Variants in CCL17 observed in about 807,000 individuals in gnomAD.
CCL17 encodes the protein C-C motif chemokine 17.
Under a neutral mutation model 7.4 loss-of-function variants are expected in CCL17, and 8 were observed. The ratio of observed to expected loss-of-function variants is 1.09; its 90% CI spans 0.64 to 1.96. The LOEUF is 1.96. Ranked by LOEUF, CCL17 falls within the 30% of genes most tolerant of loss-of-function variation. CCL17 has a pLI of 0.00. For missense variants in CCL17, 102 were observed against 113.0 expected, an observed-to-expected ratio of 0.90 and a Z score of 0.44; for synonymous variants, 40 against 46.1, an observed-to-expected ratio of 0.87 and a Z score of 0.54.
chr16:57,415,687 G>T lies in CCL17; in HGVS notation c.189-78G>T. On this transcript the variant is annotated intron_variant, in intron 3 of 3. Transcript: ENST00000219244. The surrounding 1 kb of genome is among the most constrained non-coding windows in gnomAD (Gnocchi z 4.5). ...TCTTGGAGCCTTGGAATCCTGGTCA[G>T]CACAGGGCGGGCCGTCCCAGGGACT... 1.1e-6 allele frequency: 1 copy of T among 899,674 alleles called. No individual in the cohort carries two copies. Among genetic ancestry groups the T allele is most frequent in the Non-Finnish European group, 1.9e-6 (1 of 536,710 alleles). 55.7% of individuals were successfully genotyped at this position (899,674 alleles called of 1,614,324 possible). A position where few individuals can be genotyped will look rare whatever the true frequency, so the allele number is the denominator to read the frequency against.
At chr16:57,414,799 T>C (rs1412962137) in intron 2 of CCL17, among the ~76,000 whole-genome samples, 1 of 151,662 alleles carries the variant, frequency 6.6e-6, no homozygotes, top group Non-Finnish European at 1.5e-5. Flanking sequence ...GACACACACG[T>C]AGGCACTCAC....
intron 1 of CCL17, among the ~76,000 whole-genome samples, chr16:57,405,136 G>A (rs1902675669): frequency 6.6e-6 from 1 of 152,172 alleles, no homozygotes; most frequent in Non-Finnish European, 1.5e-5. Flanking sequence ...GGATGGGGAA[G>A]GAAGCAGGGA....
chr16:57,413,520 G>A (rs567557898), intron 1 of CCL17, among the ~76,000 whole-genome samples: 6 of 152,256 alleles, frequency 3.9e-5, no homozygotes, highest in South Asian at 2.1e-4. Context: ...CGACACTTCC[G>A]TCTGCCCCCT....
chr16:57,415,933 C>T lies in CCL17; in HGVS notation c.*72C>T, dbSNP rs1164997873. ...ACCTCCACCGTTGGTGTTCACCGCC[C>T]CCACCCTGAGCGCCTGGGTCCAGGG... On this transcript the variant is annotated 3_prime_UTR_variant, in exon 4 of 4. Transcript: ENST00000219244. The surrounding 1 kb of genome is among the most constrained non-coding windows in gnomAD (Gnocchi z 4.5). 4.7e-5 allele frequency: 49 copies of T among 1,031,988 alleles called. No individual in the cohort carries two copies. Among genetic ancestry groups the T allele is most frequent in the Non-Finnish European group, 1.4e-5 (9 of 658,730 alleles). The allele number at this position is 1,031,988 out of a possible 1,614,324, so 63.9% of individuals were successfully genotyped here.
upstream of CCL17, among the ~76,000 whole-genome samples, chr16:57,403,413 ATAT>A (rs1401665916): frequency 4.6e-5 from 1 of 21,610 alleles, no homozygotes; most frequent in Non-Finnish European, 6.6e-5. Flanking sequence ...TATAATATAT[ATAT>A]TATATTATAA....
chr16:57,397,458 C>T, the CCL17 span, among the ~76,000 whole-genome samples: 7 of 152,234 alleles, frequency 4.6e-5, no homozygotes, highest in African/African-American at 1.7e-4. Context: ...GAGGGTTGTT[C>T]CATACCAAGG....
the CCL17 span, among the ~76,000 whole-genome samples, chr16:57,397,030 T>A: frequency 3.3e-5 from 5 of 152,322 alleles, no homozygotes; most frequent in South Asian, 8.3e-4. Flanking sequence ...CTTCTCTGTC[T>A]TGCAAGGGAA....
chr16:57,405,729 A>G (rs115134208), intron 1 of CCL17, among the ~76,000 whole-genome samples: 2,661 of 152,192 alleles, frequency 0.017, 90 homozygotes, highest in African/African-American at 0.061. Flanking sequence ...GGCTGGAGAC[A>G]GAGATTTAAG....
chr16:57,402,138 T>C (rs1465876899), upstream of CCL17, among the ~76,000 whole-genome samples: 1 of 152,230 alleles, frequency 6.6e-6, no homozygotes, highest in Admixed American at 6.5e-5. Context: ...CAAAGGGCTC[T>C]CTAGGGACTC....
At chr16:57,413,349 T>A (rs1357862190) in intron 1 of CCL17, among the ~76,000 whole-genome samples, 1 of 151,846 alleles carries the variant, frequency 6.6e-6, no homozygotes, top group African/African-American at 2.4e-5. Context: ...CATGTGCCCA[T>A]GCCCGGCAGC....
chr16:57,396,458 C>T, the CCL17 span, among the ~76,000 whole-genome samples: 1 of 152,094 alleles, frequency 6.6e-6, no homozygotes, highest in African/African-American at 2.4e-5. Context: ...GTGTTGGGAG[C>T]AAACTGAGTG....
chr16:57,413,978 G>A lies in CCL17; in HGVS notation c.46G>A (p.Ala16Thr), dbSNP rs532909387. 4.3e-5 allele frequency: 69 copies of A among 1,611,572 alleles called. 1 individual carries two copies. In the East Asian group the frequency reaches 6.5e-4, roughly 15 times the overall value. The change falls in exon 2 of 4, where the codon GCT becomes ACT. Residue 16 changes from alanine to threonine, a missense_variant. Ala to Thr is a moderately conservative substitution (Grantham distance 58, BLOSUM62 0). Coordinates refer to ENST00000219244, the MANE Select transcript of CCL17 (RefSeq NM_002987.3). ...GGCCCTGGTCACCCTCCTCCTGGGG[G>A]CTTCTCTGCAGCACATCCACGCAGG... Reference protein sequence around the residue: ...MLALVTLLLGASLQHIHAARG... With the variant: ...MLALVTLLLGTSLQHIHAARG...
At chr16:57,403,515 ATT>A (rs1322269233), upstream of CCL17, among the ~76,000 whole-genome samples, 65 of 27,336 alleles carry the variant, frequency 2.4e-3, 1 homozygote, top group African/African-American at 0.023. Flanking sequence ...TATATATTAT[ATT>A]ATATATATGT....
Position 57,415,287 on chromosome 16 carries a change from A to G in CCL17, c.188+89A>G. ...GCTCCCAGGACGGCCAATGGGGAGC[A>G]GGGAAGAGACAGCGGGGCCTTCCTC... On this transcript the variant is annotated intron_variant, in intron 3 of 3. Transcript: ENST00000219244. This position sits in a 1 kb window ranked among gnomAD's most constrained non-coding sequence, Gnocchi z 4.5. 1.1e-6 allele frequency: 1 copy of G among 884,324 alleles called. No homozygotes were observed. The highest frequency in any genetic ancestry group is 2.4e-5 in the East Asian group (1 of 41,266). 54.8% of individuals were successfully genotyped at this position (884,324 alleles called of 1,614,324 possible).
intron 1 of CCL17, among the ~76,000 whole-genome samples, chr16:57,413,046 G>A (rs1355877755): frequency 3.9e-5 from 6 of 152,204 alleles, no homozygotes; most frequent in East Asian, 1.9e-4. Context: ...GGCTCAGGCT[G>A]GACCCTGACC....
At position 57,415,739 on chromosome 16, in the gene CCL17, C is replaced by T. The variant is rs1214198360; in HGVS notation, c.189-26C>T. 7 of 1,506,932 alleles carry T rather than the reference C, an allele frequency of 4.6e-6. No homozygotes were observed. The highest frequency in any genetic ancestry group is 5.5e-6 in the Non-Finnish European group (6 of 1,082,126). The allele number at this position is 1,506,932 out of a possible 1,614,324, so 93.3% of individuals were successfully genotyped here. A position where few individuals can be genotyped will look rare whatever the true frequency, so the allele number is the denominator to read the frequency against. Reference sequence around the variant, plus strand: ...TGGGGGCCCTTCCCCCCCTGCCACTCCTGGTAACGTCCTCCTTCTGTGTAG... The same window carrying T: ...TGGGGGCCCTTCCCCCCCTGCCACTTCTGGTAACGTCCTCCTTCTGTGTAG... On this transcript the variant is annotated intron_variant, in intron 3 of 3. Transcript: ENST00000219244. This position sits in a 1 kb window ranked among gnomAD's most constrained non-coding sequence, Gnocchi z 4.5.
chr16:57,406,668 C>T (rs535104830), intron 1 of CCL17, among the ~76,000 whole-genome samples: 1 of 152,220 alleles, frequency 6.6e-6, no homozygotes, highest in African/African-American at 2.4e-5. Flanking sequence ...GGTAGGTTCC[C>T]AGGGATGACA....
upstream of CCL17, among the ~76,000 whole-genome samples, chr16:57,403,154 T>C (rs1463037893): frequency 5.6e-5 from 5 of 88,862 alleles, no homozygotes; most frequent in African/African-American, 9.3e-5. Context: ...CTATAATATA[T>C]ATAATATATA....
intron 1 of CCL17, among the ~76,000 whole-genome samples, chr16:57,406,331 A>G (rs1421332567): frequency 6.6e-6 from 1 of 152,082 alleles, no homozygotes; most frequent in African/African-American, 2.4e-5. Flanking sequence ...GAGTCTCACT[A>G]TGTTGCCCAG....
Sources: gnomAD v4.1 joint callset for allele counts (sites outside exome capture counted in the v4.1 genomes callset) on GRCh38, gnomAD v4.1.1 for gene constraint, Gnocchi (gnomAD v3.1) non-coding constraint, MANE v1.5 for transcripts, NCBI Gene and HGNC (gene_info 2026-07-23, HGNC 2026-07-21) for gene names.